Variants in GPATCH2 observed in about 807,000 individuals in gnomAD.
GPATCH2 encodes the protein G-patch domain containing 2.
Under a neutral mutation model 58.0 loss-of-function variants are expected in GPATCH2, and 51 were observed. That is an observed-to-expected ratio of 0.88 (90% CI 0.70 to 1.11). The LOEUF is 1.11. GPATCH2 is among the 50% of genes most tolerant of loss of function. GPATCH2 has a pLI of 0.00. For synonymous variants in GPATCH2, 222 were observed against 218.5 expected, an observed-to-expected ratio of 1.02 and a Z score of -0.14; for missense variants, 625 against 652.2, an observed-to-expected ratio of 0.96 and a Z score of 0.45.
intron 8 of GPATCH2, among the ~76,000 whole-genome samples, chr1:217,459,708 G>A (rs975328411): frequency 6.6e-6 from 1 of 152,062 alleles, no homozygotes; most frequent in Non-Finnish European, 1.5e-5. Flanking sequence ...GGATGCTATG[G>A]TTGCCATTCA....
rs1658405913 is a variant in GPATCH2, at chr1:217,428,546, A to G, written c.*2599T>C. 6.6e-6 allele frequency: 1 copy of G among 152,206 alleles called. No homozygotes were observed. Among genetic ancestry groups the G allele is most frequent in the South Asian group, 2.1e-4 (1 of 4,824 alleles). 9.4% of individuals were successfully genotyped at this position (152,206 alleles called of 1,614,324 possible). A position where few individuals can be genotyped will look rare whatever the true frequency, so the allele number is the denominator to read the frequency against. On this transcript the variant is annotated 3_prime_UTR_variant, in exon 10 of 10. Transcript: ENST00000366935. Reference sequence around the variant, plus strand: ...CATCAGGTCTGTACTGAGTTTTCTTAAAGACTGAGGGCATGTCAGTAGAAG... The same window carrying G: ...CATCAGGTCTGTACTGAGTTTTCTTGAAGACTGAGGGCATGTCAGTAGAAG...
chr1:217,467,096 G>A (rs1660492508), intron 8 of GPATCH2, among the ~76,000 whole-genome samples: 2 of 152,120 alleles, frequency 1.3e-5, no homozygotes, highest in African/African-American at 4.8e-5. Flanking sequence ...TCGCTTTCAC[G>A]AACCTGGGAG....
chr1:217,559,412 T>C (rs1042341196), intron 5 of GPATCH2, among the ~76,000 whole-genome samples: 2 of 152,114 alleles, frequency 1.3e-5, no homozygotes, highest in East Asian at 1.9e-4. Context: ...GGCCCCTCCA[T>C]ACCTGTGACA....
intron 5 of GPATCH2, among the ~76,000 whole-genome samples, chr1:217,566,602 G>A (rs1048069492): frequency 6.6e-6 from 1 of 152,116 alleles, no homozygotes; most frequent in African/African-American, 2.4e-5. Flanking sequence ...AATTATTAAT[G>A]AAACATATGG....
Position 217,431,403 on chromosome 1 carries a change from G to A in GPATCH2, c.1367-38C>T, listed in dbSNP as rs745485395. 6 of 1,081,808 alleles carry A rather than the reference G, an allele frequency of 5.5e-6. No individual in the cohort carries two copies. In the African/African-American group the frequency reaches 6.2e-5, roughly 11 times the overall value. 67.0% of individuals were successfully genotyped at this position (1,081,808 alleles called of 1,614,324 possible). On this transcript the variant is annotated intron_variant, in intron 9 of 9. Coordinates refer to ENST00000366935, the MANE Select transcript of GPATCH2 (RefSeq NM_018040.5). ...AACAACAGCACACATTAATCAGTAT[G>A]AACACAGGTGAAGATATTAGGCTAT...
chr1:217,570,280 T>G (rs979241047), intron 5 of GPATCH2, among the ~76,000 whole-genome samples: 14 of 151,864 alleles, frequency 9.2e-5, no homozygotes, highest in African/African-American at 3.4e-4. Flanking sequence ...CCTGGCTAAT[T>G]TTTTGTATTT....
chr1:217,581,694 T>C (rs1038902007), intron 5 of GPATCH2, among the ~76,000 whole-genome samples: 1 of 152,234 alleles, frequency 6.6e-6, no homozygotes, highest in Non-Finnish European at 1.5e-5. Context: ...GGCTCTTGCC[T>C]GTAATTCTAG....
intron 2 of GPATCH2, among the ~76,000 whole-genome samples, chr1:217,618,838 A>G (rs960824117): frequency 2.0e-5 from 3 of 151,804 alleles, no homozygotes; most frequent in African/African-American, 7.3e-5. Flanking sequence ...TGGTGCACAC[A>G]GGTAATCCCA....
In GPATCH2 at chr1:217,434,259, T is replaced by C. The variant is rs571270695; in HGVS notation, c.1367-2894A>G. On this transcript the variant is annotated intron_variant, in intron 9 of 9. Transcript: ENST00000366935. ...AATGCATATACAGAGATTATAAATA[T>C]ATGTGTGAATGTGTGTTGTGTGTGA... Among the ~76,000 whole-genome samples the C allele has an allele frequency of 2.6e-5, 4 of 152,346 alleles. No homozygotes were observed. In the South Asian group the frequency reaches 8.3e-4, roughly 32 times the overall value.
At chr1:217,521,478 T>G (rs1434211692) in intron 5 of GPATCH2, among the ~76,000 whole-genome samples, 1 of 151,778 alleles carries the variant, frequency 6.6e-6, no homozygotes, top group Non-Finnish European at 1.5e-5. Context: ...CCAAGGATAC[T>G]CTAGACCTTG....
chr1:217,570,046 T>C (rs1394139335), intron 5 of GPATCH2, among the ~76,000 whole-genome samples: 1 of 152,116 alleles, frequency 6.6e-6, no homozygotes, highest in Non-Finnish European at 1.5e-5. Flanking sequence ...AATCAGTAAA[T>C]GTATGGGTAA....
chr1:217,606,246 C>T (rs575405112), intron 5 of GPATCH2, among the ~76,000 whole-genome samples: 1 of 151,360 alleles, frequency 6.6e-6, no homozygotes, highest in African/African-American at 2.4e-5. Flanking sequence ...GGCCTATGTG[C>T]TCTGTGGTCA....
At chr1:217,508,589 A>G (rs1316362215) in intron 6 of GPATCH2, among the ~76,000 whole-genome samples, 1 of 152,176 alleles carries the variant, frequency 6.6e-6, no homozygotes, top group Admixed American at 6.6e-5. Context: ...AACCATGTAC[A>G]GAGTACATAA....
intron 8 of GPATCH2, among the ~76,000 whole-genome samples, chr1:217,469,039 C>T (rs1049268845): frequency 2.6e-5 from 4 of 152,070 alleles, no homozygotes. Flanking sequence ...AGAGACTCTT[C>T]ATAATTTTTA....
intron 5 of GPATCH2, chr1:217,609,630 T>A (rs1400962204): frequency 8.2e-6 from 8 of 978,996 alleles, no homozygotes; most frequent in Non-Finnish European, 9.7e-6. Flanking sequence ...CTACTACTCA[T>A]CTTAGCCCTT....
intron 6 of GPATCH2, among the ~76,000 whole-genome samples, chr1:217,507,287 G>C (rs953409398): frequency 1.3e-5 from 2 of 152,198 alleles, no homozygotes; most frequent in African/African-American, 4.8e-5. Context: ...TGGACTAGAA[G>C]ACCAGGATGC....
At chr1:217,536,243 C>G (rs979449028) in intron 5 of GPATCH2, among the ~76,000 whole-genome samples, 2 of 152,158 alleles carry the variant, frequency 1.3e-5, no homozygotes. Flanking sequence ...TGTTAATTAA[C>G]TCACTCTGTG....
chr1:217,599,954 C>T (rs1668032211), intron 5 of GPATCH2, among the ~76,000 whole-genome samples: 2 of 151,904 alleles, frequency 1.3e-5, no homozygotes, highest in South Asian at 2.1e-4. Flanking sequence ...ACTTCAAAAT[C>T]GATTCAAATC....
chr1:217,492,751 A>G (rs1661809659), intron 7 of GPATCH2: 1 of 152,238 alleles, frequency 6.6e-6, no homozygotes, highest in Non-Finnish European at 1.5e-5. Flanking sequence ...GTATTAAGTA[A>G]TATAAACCAT....
Sources: allele counts gnomAD v4.1 joint callset (sites outside exome capture counted in the v4.1 genomes callset), GRCh38; gene constraint gnomAD v4.1.1; transcripts MANE v1.5; gene names NCBI Gene and HGNC (gene_info 2026-07-23, HGNC 2026-07-21).